The following SPINK2 variants were observed in gnomAD, a reference collection of about 807,000 sequenced individuals.
The protein encoded by SPINK2 is serine protease inhibitor Kazal-type 2.
Under a neutral mutation model 13.5 loss-of-function variants are expected in SPINK2, and 8 were observed. The observed-to-expected ratio is 0.59, with a 90% CI of 0.35 to 1.07. The LOEUF (loss-of-function observed/expected upper bound fraction) is 1.07. Among genes scored for constraint, SPINK2 ranks in the 50% least tolerant of loss-of-function variants. SPINK2 has a pLI of 0.02. For missense variants in SPINK2, 148 were observed against 180.3 expected (o/e 0.82, Z 1.03); for synonymous variants, 76 against 74.7 (o/e 1.02, Z -0.09).
chr4:56,820,315 C>A (rs1002175237), intron 2 of SPINK2, among the ~76,000 whole-genome samples: 1 of 152,148 alleles, frequency 6.6e-6, no homozygotes, highest in Non-Finnish European at 1.5e-5. Context: ...TTCTAAGGAC[C>A]TTTTGAATCT....
upstream of SPINK2, chr4:56,821,735 G>C (rs886235668): frequency 1.5e-6 from 2 of 1,370,426 alleles, no homozygotes; most frequent in South Asian, 1.6e-5. Flanking sequence ...CTCGTGCGAC[G>C]GGGCGCGGGG....
In SPINK2 at chr4:56,821,438, C is replaced by T; in HGVS notation, c.205+20G>A. On this transcript the variant is annotated intron_variant, in intron 1 of 3. Transcript: ENST00000506738. Reference sequence around the variant, plus strand: ...ACTCCACAAAGCCACCCCCACAACCCCCAGTTCGCGTTCCTCCACCTGGCA... The same window carrying T: ...ACTCCACAAAGCCACCCCCACAACCTCCAGTTCGCGTTCCTCCACCTGGCA... 2 of 1,499,662 alleles carry T rather than the reference C, an allele frequency of 1.3e-6. No homozygotes were observed. The highest frequency in any genetic ancestry group is 1.8e-6 in the Non-Finnish European group (2 of 1,129,986). 92.9% of individuals were successfully genotyped at this position (1,499,662 alleles called of 1,614,324 possible). A position where few individuals can be genotyped will look rare whatever the true frequency, so the allele number is the denominator to read the frequency against.
At chr4:56,817,121 GA>G (rs1560416182) in intron 2 of SPINK2, among the ~76,000 whole-genome samples, 1 of 152,058 alleles carries the variant, frequency 6.6e-6, no homozygotes, top group Non-Finnish European at 1.5e-5. Flanking sequence ...AGAATTGCTT[GA>G]ACCCAGGAGG....
Position 56,821,698 on chromosome 4 carries a change from T to C in SPINK2, c.-36A>G. The C allele has an allele frequency of 6.9e-7, 1 of 1,447,864 alleles. No individual in the cohort carries two copies. Among genetic ancestry groups the C allele is most frequent in the Non-Finnish European group, 9.0e-7 (1 of 1,105,978 alleles). The allele number at this position is 1,447,864 out of a possible 1,614,324, so 89.7% of individuals were successfully genotyped here. A position where few individuals can be genotyped will look rare whatever the true frequency, so the allele number is the denominator to read the frequency against. On this transcript the variant is annotated 5_prime_UTR_variant, in exon 1 of 4. Coordinates refer to ENST00000506738, the MANE Select transcript of SPINK2 (RefSeq NM_001271718.2). ...CGCCGGCTGTCTTGCCCCTGCGGTCTGTTACCTGCGCCACTCGCAGGGAGC... is the reference window on the plus strand; with the variant it reads ...CGCCGGCTGTCTTGCCCCTGCGGTCCGTTACCTGCGCCACTCGCAGGGAGC...
intron 2 of SPINK2, among the ~76,000 whole-genome samples, chr4:56,820,034 T>G (rs1717801986): frequency 6.6e-6 from 1 of 152,224 alleles, no homozygotes; most frequent in Admixed American, 6.5e-5. Context: ...TAGAATGTTG[T>G]GCTTCTAGTT....
At chr4:56,810,299 T>C in intron 3 of SPINK2, 115 bp from the exon 4 acceptor site, 1 of 820,746 alleles carries the variant, frequency 1.2e-6, no homozygotes, top group Non-Finnish European at 1.9e-6. Context: ...CTTCCACAGC[T>C]ACACTTATTT....
chr4:56,817,854 A>G (rs1258157789), intron 2 of SPINK2, among the ~76,000 whole-genome samples: 1 of 141,206 alleles, frequency 7.1e-6, no homozygotes, highest in Non-Finnish European at 1.6e-5. Context: ...ACTCCATCTC[A>G]AAAAAAAAAA....
At position 56,821,570 on chromosome 4, in the gene SPINK2, C is replaced by CGGAG; in HGVS notation, c.89_92dup (p.Glu32SerfsTer52). ...TCTGACTCCCAAACCCGCTTTTCTCCGGAGGTCCCCGCTCGCCAGGACCGC... is the reference window on the plus strand; with the variant it reads ...TCTGACTCCCAAACCCGCTTTTCTCCGGAGGGAGGTCCCCGCTCGCCAGGACCGC... On this transcript the variant is annotated frameshift_variant, in exon 1 of 4. Transcript: ENST00000506738. LOFTEE classifies it high-confidence loss of function. 1 of 1,547,976 alleles carries CGGAG rather than the reference C, an allele frequency of 6.5e-7. No individual in the cohort carries two copies. The highest frequency in any genetic ancestry group is 8.7e-7 in the Non-Finnish European group (1 of 1,146,734).
intron 2 of SPINK2, among the ~76,000 whole-genome samples, chr4:56,813,602 T>C (rs1717177093): frequency 6.6e-6 from 1 of 151,358 alleles, no homozygotes; most frequent in Non-Finnish European, 1.5e-5. Context: ...GAATCTAGGT[T>C]GTGCACTCCT....
At chr4:56,821,848 A>G (rs940543644), upstream of SPINK2, 3 of 409,270 alleles carry the variant, frequency 7.3e-6, no homozygotes, top group East Asian at 2.2e-4. Flanking sequence ...GGAGCCGTGA[A>G]GGGTCGGGGG....
chr4:56,813,987 G>A (rs949606435), intron 2 of SPINK2, among the ~76,000 whole-genome samples: 6 of 137,554 alleles, frequency 4.4e-5, no homozygotes, highest in African/African-American at 1.4e-4. Flanking sequence ...GCAGTGGCGC[G>A]ATCTTGGCTC....
chr4:56,810,491 T>C, intron 3 of SPINK2: 1 of 293,850 alleles, frequency 3.4e-6, no homozygotes, highest in African/African-American at 2.3e-5. Flanking sequence ...TTACTGGAGG[T>C]CAGGGGTTTG....
intron 3 of SPINK2, among the ~76,000 whole-genome samples, chr4:56,811,390 G>A (rs1038638989): frequency 2.0e-5 from 3 of 152,062 alleles, no homozygotes; most frequent in Admixed American, 2.0e-4. Context: ...AGGCCAAGGC[G>A]GGTGGATCAC....
chr4:56,811,091 T>C (rs879151515), intron 3 of SPINK2, among the ~76,000 whole-genome samples: 2 of 152,202 alleles, frequency 1.3e-5, no homozygotes, highest in Admixed American at 6.5e-5. Flanking sequence ...AGTTTAACTA[T>C]TAAATAGACT....
At chr4:56,816,857 AAC>A (rs1393309190) in intron 2 of SPINK2, 4 of 150,290 alleles carry the variant, frequency 2.7e-5, no homozygotes, top group Non-Finnish European at 5.9e-5. Flanking sequence ...CAGCCTGGAT[AAC>A]AGAGTGAGAC....
chr4:56,810,264 A>G (rs1716870330), intron 3 of SPINK2, 80 bp from the exon 4 acceptor site: 2 of 1,130,290 alleles, frequency 1.8e-6, no homozygotes, highest in African/African-American at 1.6e-5. Flanking sequence ...AAAAAGACCC[A>G]TGTAGATAGA....
intron 1 of SPINK2, 45 bp downstream of exon 1, chr4:56,821,413 A>G: frequency 6.8e-7 from 1 of 1,466,500 alleles, no homozygotes; most frequent in Non-Finnish European, 9.0e-7. Context: ...AGGGTGGCTG[A>G]CTCCACAAAG....
At chr4:56,811,020 A>G (rs1283066528) in intron 3 of SPINK2, among the ~76,000 whole-genome samples, 1 of 152,226 alleles carries the variant, frequency 6.6e-6, no homozygotes, top group Non-Finnish European at 1.5e-5. Flanking sequence ...CTACTAATAC[A>G]GGGTGTGCAG....
intron 3 of SPINK2, 139 bp from the exon 4 acceptor site, chr4:56,810,323 G>A (rs1432693205): frequency 1.7e-5 from 13 of 770,320 alleles, no homozygotes; most frequent in South Asian, 5.9e-5. Flanking sequence ...CATTTTTTAA[G>A]CTAAATCTAG....
Sources: gnomAD v4.1 joint callset for allele counts (sites outside exome capture counted in the v4.1 genomes callset) on GRCh38, gnomAD v4.1.1 for gene constraint, MANE v1.5 for transcripts, NCBI Gene and HGNC (gene_info 2026-07-23, HGNC 2026-07-21) for gene names.